Variants in HOXD10 observed in about 807,000 individuals in gnomAD.
HOXD10 encodes the protein homeobox protein Hox-D10.
HOXD10 carries 15 observed loss-of-function variants against 27.0 expected under a neutral mutation model. The observed-to-expected ratio is 0.56, with a 90% CI of 0.37 to 0.85. The LOEUF (loss-of-function observed/expected upper bound fraction) is 0.85, where lower values mean the gene tolerates loss of function less well. Among genes scored for constraint, HOXD10 ranks in the 40% least tolerant of loss-of-function variants. The probability of loss-of-function intolerance (pLI) is 0.00; values close to 1 mark genes in which losing one functional copy is unlikely to be tolerated. For missense variants in HOXD10, 440 were observed against 430.4 expected, an observed-to-expected ratio of 1.02 and a Z score of -0.20; for synonymous variants, 178 against 160.9, an observed-to-expected ratio of 1.11 and a Z score of -0.80.
Position 176,118,981 on chromosome 2 carries a change from G to C in HOXD10, c.773G>C (p.Ser258Thr). 1.2e-6 allele frequency: 2 copies of C among 1,613,592 alleles called. No homozygotes were observed. Among genetic ancestry groups the C allele is most frequent in the East Asian group, 2.2e-5 (1 of 44,884 alleles). Residue 258 changes from serine to threonine, a missense_variant, in exon 2 of 2, where the codon AGC becomes ACC. Coordinates refer to ENST00000249501, the MANE Select transcript of HOXD10 (RefSeq NM_002148.4). ...KEEIKSDTPT[S>T]NWLTAKSGRK... The stretch of plus-strand genomic sequence containing the variant: ...GAAATCAAGTCTGATACACCAACCA[G>C]CAATTGGCTCACTGCAAAGAGTGGC...
chr2:176,118,976 A>C lies in HOXD10; in HGVS notation c.768A>C (p.Pro256=), dbSNP rs61740491. 406 of 1,613,664 alleles carry C rather than the reference A, an allele frequency of 2.5e-4. No homozygotes were observed. In the African/African-American group the frequency reaches 4.9e-3, roughly 19 times the overall value. Residue 256 remains proline, a synonymous_variant, in exon 2 of 2, where the codon CCA becomes CCC. Coordinates refer to ENST00000249501, the MANE Select transcript of HOXD10 (RefSeq NM_002148.4). ...ESKEEIKSDT[P]TSNWLTAKSG... ...TAGAGGAAATCAAGTCTGATACACC[A>C]ACCAGCAATTGGCTCACTGCAAAGA... is the stretch of plus-strand genomic sequence containing the variant.
Position 176,117,411 on chromosome 2 carries a change from C to T in HOXD10, c.578C>T (p.Ala193Val). ...GCGGCCAAGCCGCAGCTCTCCGCTG[C>T]CCAGCTGCAGATGGAAAAGAAGATG... ...RGAAKPQLSAAQLQMEKKMNE... is the reference protein window; with the variant it reads ...RGAAKPQLSAVQLQMEKKMNE... The change falls in exon 1 of 2, where the codon GCC (alanine) becomes GTC (valine). Residue 193 changes from alanine (A) to valine (V), a missense_variant. Transcript: ENST00000249501. The T allele has an allele frequency of 6.2e-7, 1 of 1,613,340 alleles. No homozygotes were observed. The highest frequency in any genetic ancestry group is 1.3e-5 in the African/African-American group (1 of 75,062).
chr2:176,117,244 G>T lies in HOXD10; in HGVS notation c.411G>T (p.Glu137Asp). ...CTTCGTACCAGAGGCTGGTCCCTGA[G>T]TCTTGTCCCGTTGAGAACCCTGAGG... is the stretch of plus-strand genomic sequence containing the variant. ...EVPSYQRLVP[E>D]SCPVENPEVP... Residue 137 changes from glutamate (E) to aspartate (D), a missense_variant, in exon 1 of 2, where the codon GAG (glutamate) becomes GAT (aspartate). Physicochemically the swap from Glu to Asp is conservative, Grantham distance 45 (BLOSUM62 2). Transcript: ENST00000249501. 1.2e-6 allele frequency: 2 copies of T among 1,611,062 alleles called. No homozygotes were observed. Among genetic ancestry groups the T allele is most frequent in the Admixed American group, 3.3e-5 (2 of 59,896 alleles).
At position 176,117,460 on chromosome 2, in the gene HOXD10, G is replaced by T; in HGVS notation, c.627G>T (p.Glu209Asp). 1 of 1,613,100 alleles carries T rather than the reference G, an allele frequency of 6.2e-7. No individual in the cohort carries two copies. The change falls in exon 1 of 2, where the codon GAG becomes GAT. Residue 209 changes from glutamate to aspartate, a missense_variant. Coordinates refer to ENST00000249501, the MANE Select transcript of HOXD10 (RefSeq NM_002148.4). ...KKMNEPVSGQEPTKVSQVESP... is the reference protein window; with the variant it reads ...KKMNEPVSGQDPTKVSQVESP... ...TGAACGAGCCCGTGAGCGGCCAGGA[G>T]CCCACCAAAGTCTCCCAGGTGGAGA... is the stretch of plus-strand genomic sequence containing the variant.
chr2:176,117,609 G>C (rs758517699), intron 1 of HOXD10, 31 bp downstream of exon 1: 2 of 1,610,322 alleles, frequency 1.2e-6, no homozygotes, highest in South Asian at 2.2e-5. Context: ...CACCCCAGCG[G>C]GGCGCGCAGC....
At position 176,117,608 on chromosome 2, in the gene HOXD10, G is replaced by T. The variant is rs202173751; in HGVS notation, c.745+30G>T. On this transcript the variant is annotated intron_variant, in intron 1 of 1. Coordinates refer to ENST00000249501, the MANE Select transcript of HOXD10 (RefSeq NM_002148.4). The stretch of plus-strand genomic sequence containing the variant: ...GTATGAGCAGAGTTGCCACCCCAGC[G>T]GGGCGCGCAGCCCGGGAACCCGGCA... 7 of 1,610,196 alleles carry T rather than the reference G, an allele frequency of 4.3e-6. No homozygotes were observed. In the African/African-American group the frequency reaches 6.7e-5, roughly 15 times the overall value.
In HOXD10 at chr2:176,117,184, T is replaced by C. The variant is rs1689770786; in HGVS notation, c.351T>C (p.Ser117=). 1 of 1,613,892 alleles carries C rather than the reference T, an allele frequency of 6.2e-7. No individual in the cohort carries two copies. Among genetic ancestry groups the C allele is most frequent in the African/African-American group, 1.3e-5 (1 of 74,948 alleles). ...AAGAATCCAATTGCTGCATGTATTC[T>C]GATAAGCGCAACAAACTCATTTCGG... ...IKEESNCCMY[S]DKRNKLISAE... The change falls in exon 1 of 2, where the codon TCT becomes TCC. Residue 117 remains serine, a synonymous_variant. Transcript: ENST00000249501.
intron 1 of HOXD10, among the ~76,000 whole-genome samples, chr2:176,118,184 G>T (rs1471465572): frequency 3.3e-5 from 5 of 152,222 alleles, no homozygotes; most frequent in Admixed American, 2.6e-4. Context: ...AGTGGAACCC[G>T]CATTGCCCTC....
Position 176,119,167 on chromosome 2 carries a change from A to G in HOXD10, c.959A>G (p.Lys320Arg). The change falls in exon 2 of 2, where the codon AAA (lysine) becomes AGA (arginine). Residue 320 changes from lysine to arginine, a missense_variant. Transcript: ENST00000249501. ...VKIWFQNRRM[K>R]LKKMSRENRI... ...ATTTGGTTTCAAAACCGCCGAATGAAACTCAAGAAGATGAGCCGAGAGAAC... is the reference window on the plus strand; with the variant it reads ...ATTTGGTTTCAAAACCGCCGAATGAGACTCAAGAAGATGAGCCGAGAGAAC... 1 of 1,614,000 alleles carries G rather than the reference A, an allele frequency of 6.2e-7. No individual in the cohort carries two copies. Among genetic ancestry groups the G allele is most frequent in the Non-Finnish European group, 8.5e-7 (1 of 1,180,004 alleles).
Position 176,118,956 on chromosome 2 carries a change from G to A in HOXD10, c.748G>A (p.Glu250Lys), listed in dbSNP as rs1162064144. The A allele has an allele frequency of 1.2e-6, 2 of 1,612,014 alleles. No homozygotes were observed. The highest frequency in any genetic ancestry group is 1.7e-6 in the Non-Finnish European group (2 of 1,178,644). Reference sequence around the variant, plus strand: ...TCTTCTCCCTTTAATTTTGTTAGAGGAAATCAAGTCTGATACACCAACCAG... The same window carrying A: ...TCTTCTCCCTTTAATTTTGTTAGAGAAAATCAAGTCTGATACACCAACCAG... ...PEVQEKESKE[E>K]IKSDTPTSNW... is the part of the protein sequence containing the mutation. Residue 250 changes from glutamate to lysine, a missense_variant and splice_region_variant, in exon 2 of 2, where the codon GAA (glutamate) becomes AAA (lysine). Coordinates refer to ENST00000249501, the MANE Select transcript of HOXD10 (RefSeq NM_002148.4).
Position 176,116,934 on chromosome 2 carries a change from T to G in HOXD10, c.101T>G (p.Met34Arg), listed in dbSNP as rs987145537. ...SDSFYSSSAS[M>R]YMPPPSADMG... ...AGTTTTTATTCCAGCAGCGCCAGCA[T>G]GTACATGCCACCACCTAGCGCAGAC... The change falls in exon 1 of 2, where the codon ATG becomes AGG. Residue 34 changes from methionine (M) to arginine (R), a missense_variant. By Grantham distance (91) the Met-to-Arg change is moderately conservative. Coordinates refer to ENST00000249501, the MANE Select transcript of HOXD10 (RefSeq NM_002148.4). The G allele has an allele frequency of 1.9e-6, 3 of 1,614,194 alleles. No homozygotes were observed. The highest frequency in any genetic ancestry group is 4.5e-5 in the East Asian group (2 of 44,878).
rs1689828807 is a variant in HOXD10, at chr2:176,119,438, T to TATATATATATACTC, written c.*218_*219insCTCATATATATATA. Reference sequence around the variant, plus strand: ...AAGTGATCTGTAATCCCTATGAGTATATATATATATATATATATATATATA... The same window carrying TATATATATATACTC: ...AAGTGATCTGTAATCCCTATGAGTATATATATATATACTCATATATATATATATATATATATATA... On this transcript the variant is annotated 3_prime_UTR_variant, in exon 2 of 2. Transcript: ENST00000249501. 7.1e-6 allele frequency: 1 copy of TATATATATATACTC among 141,810 alleles called. No homozygotes were observed. Among genetic ancestry groups the TATATATATATACTC allele is most frequent in the African/African-American group, 3.2e-5 (1 of 30,842 alleles). 8.8% of individuals were successfully genotyped at this position (141,810 alleles called of 1,614,324 possible). A position where few individuals can be genotyped will look rare whatever the true frequency, so the allele number is the denominator to read the frequency against.
At chr2:176,118,401 G>A (rs1228514481) in intron 1 of HOXD10, among the ~76,000 whole-genome samples, 1 of 152,218 alleles carries the variant, frequency 6.6e-6, no homozygotes, top group African/African-American at 2.4e-5. Flanking sequence ...CAAGGTGGGG[G>A]AAGGTGTCTC....
Position 176,118,997 on chromosome 2 carries a change from A to C in HOXD10, c.789A>C (p.Ala263=), listed in dbSNP as rs1689816284. 6.2e-7 allele frequency: 1 copy of C among 1,613,828 alleles called. No homozygotes were observed. Among genetic ancestry groups the C allele is most frequent in the South Asian group, 1.1e-5 (1 of 91,076 alleles). Residue 263 remains alanine (A), a synonymous_variant, in exon 2 of 2, where the codon GCA becomes GCC. Transcript: ENST00000249501. ...SDTPTSNWLT[A]KSGRKKRCPY... ...CACCAACCAGCAATTGGCTCACTGC[A>C]AAGAGTGGCAGAAAGAAGAGGTGCC...
In HOXD10 at chr2:176,117,380, C is replaced by A; in HGVS notation, c.547C>A (p.Arg183Ser). The change falls in exon 1 of 2, where the codon CGT becomes AGT. Residue 183 changes from arginine (R) to serine (S), a missense_variant. Transcript: ENST00000249501. Reference protein sequence around the residue: ...SSTVMLQLNPRGAAKPQLSAA... With the variant: ...SSTVMLQLNPSGAAKPQLSAA... ...CACTGTCATGCTCCAGCTCAACCCT[C>A]GTGGCGCGGCCAAGCCGCAGCTCTC... 2 of 1,613,390 alleles carry A rather than the reference C, an allele frequency of 1.2e-6. No homozygotes were observed. The highest frequency in any genetic ancestry group is 1.7e-6 in the Non-Finnish European group (2 of 1,180,004).
rs1689816284 is a variant in HOXD10, at chr2:176,118,997, A to G, written c.789A>G (p.Ala263=). The G allele has an allele frequency of 3.7e-6, 6 of 1,613,710 alleles. No individual in the cohort carries two copies. The highest frequency in any genetic ancestry group is 2.5e-6 in the Non-Finnish European group (3 of 1,179,886). Residue 263 remains alanine, a synonymous_variant, in exon 2 of 2, where the codon GCA becomes GCG. Coordinates refer to ENST00000249501, the MANE Select transcript of HOXD10 (RefSeq NM_002148.4). ...CACCAACCAGCAATTGGCTCACTGC[A>G]AAGAGTGGCAGAAAGAAGAGGTGCC... ...SDTPTSNWLT[A]KSGRKKRCPY... is the part of the protein sequence containing the mutation.
Position 176,117,195 on chromosome 2 carries a change from A to G in HOXD10, c.362A>G (p.Asn121Ser). ...TGCTGCATGTATTCTGATAAGCGCA[A>G]CAAACTCATTTCGGCCGAGGTCCCT... The part of the protein sequence containing the change: ...SNCCMYSDKR[N>S]KLISAEVPSY... The change falls in exon 1 of 2, where the codon AAC becomes AGC. Residue 121 changes from asparagine to serine, a missense_variant. Asn to Ser is a conservative substitution (Grantham distance 46, BLOSUM62 1). Transcript: ENST00000249501. The G allele has an allele frequency of 6.2e-7, 1 of 1,613,536 alleles. No homozygotes were observed. The highest frequency in any genetic ancestry group is 1.1e-5 in the South Asian group (1 of 91,082).
Position 176,117,426 on chromosome 2 carries a change from A to G in HOXD10, c.593A>G (p.Glu198Gly). ...CTCTCCGCTGCCCAGCTGCAGATGG[A>G]AAAGAAGATGAACGAGCCCGTGAGC... ...PQLSAAQLQM[E>G]KKMNEPVSGQ... Residue 198 changes from glutamate (E) to glycine (G), a missense_variant, in exon 1 of 2, where the codon GAA becomes GGA. Physicochemically the swap from Glu to Gly is moderately conservative, Grantham distance 98 (BLOSUM62 -2). Coordinates refer to ENST00000249501, the MANE Select transcript of HOXD10 (RefSeq NM_002148.4). 6.2e-7 allele frequency: 1 copy of G among 1,613,294 alleles called. No homozygotes were observed. The highest frequency in any genetic ancestry group is 8.5e-7 in the Non-Finnish European group (1 of 1,180,012).
chr2:176,119,435 G>GTATGTATATATATATATATATATATATA lies in HOXD10; in HGVS notation c.*207_*208insGTATATATATATATATATATATATATAT, dbSNP rs71409068. On this transcript the variant is annotated 3_prime_UTR_variant, in exon 2 of 2. Coordinates refer to ENST00000249501, the MANE Select transcript of HOXD10 (RefSeq NM_002148.4). ...TGCAAGTGATCTGTAATCCCTATGA[G>GTATGTATATATATATATATATATATATA]TATATATATATATATATATATATAT... is the stretch of plus-strand genomic sequence containing the variant. 1 of 177,802 alleles carries GTATGTATATATATATATATATATATATA rather than the reference G, an allele frequency of 5.6e-6. No homozygotes were observed. The highest frequency in any genetic ancestry group is 4.7e-5 in the African/African-American group (1 of 21,496). The allele number at this position is 177,802 out of a possible 1,614,324, so 11.0% of individuals were successfully genotyped here.
Sources: gnomAD v4.1 joint callset for allele counts (sites outside exome capture counted in the v4.1 genomes callset) on GRCh38, gnomAD v4.1.1 for gene constraint, MANE v1.5 for transcripts, NCBI Gene and HGNC (gene_info 2026-07-23, HGNC 2026-07-21) for gene names.